Variants in PIGN observed in about 807,000 individuals in gnomAD.
The protein encoded by PIGN is phosphatidylinositol glycan anchor biosynthesis class N.
Under a neutral mutation model 125.4 loss-of-function variants are expected in PIGN, and 117 were observed. The ratio of observed to expected loss-of-function variants is 0.93; its 90% confidence interval spans 0.80 to 1.09. The LOEUF (loss-of-function observed/expected upper bound fraction) is 1.09. Among genes scored for constraint, PIGN ranks in the 50% least tolerant of loss-of-function variants. The probability of loss-of-function intolerance (pLI) is 0.00; values close to 1 mark genes in which losing one functional copy is unlikely to be tolerated. For missense variants in PIGN, 1,075 were observed against 1,094.9 expected (o/e 0.98, Z 0.26); for synonymous variants, 392 against 377.8 (o/e 1.04, Z -0.44).
intron 23 of PIGN, among the ~76,000 whole-genome samples, chr18:62,035,723 G>A (rs2030252818): frequency 7.2e-6 from 1 of 139,372 alleles, no homozygotes; most frequent in Non-Finnish European, 1.5e-5. Context: ...TCCCCATCCT[G>A]TGTCCAAGTG....
chr18:62,181,700 C>T (rs2037723238), intron 1 of PIGN, among the ~76,000 whole-genome samples: 1 of 152,086 alleles, frequency 6.6e-6, no homozygotes, highest in South Asian at 2.1e-4. Context: ...GTGTGAGTTG[C>T]TGGGCCCAGT....
chr18:62,071,061 G>A (rs1350507779), intron 30 of PIGN, among the ~76,000 whole-genome samples: 1 of 151,886 alleles, frequency 6.6e-6, no homozygotes, highest in East Asian at 1.9e-4. Flanking sequence ...CTCCCACCTC[G>A]GCCTCCCAAA....
At chr18:62,092,584 G>C (rs1342421185) in intron 23 of PIGN, among the ~76,000 whole-genome samples, 6 of 151,830 alleles carry the variant, frequency 4.0e-5, no homozygotes, top group Non-Finnish European at 7.4e-5. Flanking sequence ...GAGCCACCTA[G>C]AAAATGCTTC....
intron 14 of PIGN, among the ~76,000 whole-genome samples, chr18:62,127,753 T>TGACTGAGGTTCGC (rs2035590286): frequency 1.3e-5 from 2 of 152,094 alleles, no homozygotes; most frequent in Admixed American, 1.3e-4. Flanking sequence ...CGCAGTGGTG[T>TGACTGAGGTTCGC]GACTGAGGTT....
chr18:62,146,171 T>C (rs2036321690), intron 9 of PIGN, 146 bp from the exon 10 acceptor site: 1 of 408,312 alleles, frequency 2.4e-6, no homozygotes, highest in East Asian at 3.7e-5. Context: ...CAACCTTTTA[T>C]GGCAATTAGT....
At chr18:62,065,738 A>G (rs72946090) in intron 30 of PIGN, among the ~76,000 whole-genome samples, 50,659 of 151,944 alleles carry the variant, frequency 0.33, 9,392 homozygotes, top group East Asian at 0.63. Flanking sequence ...TCCGTCTCCA[A>G]AAAAAAATAA....
At chr18:62,118,471 A>G (rs1481789850) in intron 14 of PIGN, 1 of 152,124 alleles carries the variant, frequency 6.6e-6, no homozygotes, top group Non-Finnish European at 1.5e-5. Flanking sequence ...AAGTAATCCA[A>G]AATTCTACAA....
intron 29 of PIGN, 61 bp from the exon 30 acceptor site, chr18:62,072,786 A>G (rs1169412264): frequency 5.3e-6 from 7 of 1,311,328 alleles, no homozygotes; most frequent in Non-Finnish European, 7.4e-6. Flanking sequence ...TCTAAAAACA[A>G]AGCTATTTTA....
intron 2 of PIGN, 112 bp from the exon 3 acceptor site, chr18:62,162,441 T>C (rs1423491224): frequency 6.6e-6 from 1 of 152,134 alleles, no homozygotes; most frequent in Non-Finnish European, 1.5e-5. Flanking sequence ...TGAGGTAATT[T>C]TAGCTACAGA....
At chr18:62,122,573 T>C (rs1347472856) in intron 14 of PIGN, among the ~76,000 whole-genome samples, 1 of 152,108 alleles carries the variant, frequency 6.6e-6, no homozygotes, top group Non-Finnish European at 1.5e-5. Flanking sequence ...GGTTGAAAAT[T>C]AACTTTCCCT....
intron 28 of PIGN, among the ~76,000 whole-genome samples, chr18:62,079,077 A>G (rs1267057423): frequency 6.6e-6 from 1 of 152,194 alleles, no homozygotes; most frequent in African/African-American, 2.4e-5. Flanking sequence ...ACTCTGCTTA[A>G]GGCTACCTTT....
chr18:62,070,116 T>C (rs2032757453), intron 30 of PIGN: 1 of 279,674 alleles, frequency 3.6e-6, no homozygotes, highest in African/African-American at 2.2e-5. Context: ...AAATGCTTTA[T>C]ATAAATTAAT....
At chr18:62,104,757 T>C (rs553201474) in intron 20 of PIGN, among the ~76,000 whole-genome samples, 4 of 152,270 alleles carry the variant, frequency 2.6e-5, no homozygotes, top group African/African-American at 9.6e-5. Flanking sequence ...ACAGACTTGG[T>C]TAGAATGTTT....
chr18:62,125,627 C>A (rs1430346494), intron 14 of PIGN, among the ~76,000 whole-genome samples: 1 of 151,976 alleles, frequency 6.6e-6, no homozygotes, highest in Admixed American at 6.6e-5. Flanking sequence ...TGATTATATA[C>A]GTGTATACTA....
At chr18:62,157,064 A>T in intron 6 of PIGN, 65 bp downstream of exon 6, 1 of 666,502 alleles carries the variant, frequency 1.5e-6, no homozygotes, top group South Asian at 3.0e-5. Flanking sequence ...ACATAAAAAT[A>T]GAAAACTACC....
intron 4 of PIGN, 39 bp from the exon 5 acceptor site, chr18:62,157,847 G>A (rs377297421): frequency 1.3e-6 from 2 of 1,540,982 alleles, no homozygotes. Context: ...CACAGACTAT[G>A]ATTAGATACT....
At chr18:62,104,127 A>G (rs1483433212) in intron 20 of PIGN, among the ~76,000 whole-genome samples, 1 of 152,222 alleles carries the variant, frequency 6.6e-6, no homozygotes, top group Non-Finnish European at 1.5e-5. Context: ...ATCAAAATAA[A>G]TAAGTTGCAA....
At chr18:62,099,320 AAAG>A (rs536571642) in intron 22 of PIGN, among the ~76,000 whole-genome samples, 105 of 152,274 alleles carry the variant, frequency 6.9e-4, no homozygotes, top group African/African-American at 2.3e-3. Context: ...TCAATAAAGC[AAAG>A]AAGAACACTT....
At chr18:62,152,255 TA>T in intron 7 of PIGN, among the ~76,000 whole-genome samples, 1 of 152,298 alleles carries the variant, frequency 6.6e-6, no homozygotes, top group South Asian at 2.1e-4. Context: ...ACCCTTCAGA[TA>T]GTAGGCTTCA....
Sources: allele counts gnomAD v4.1 joint callset (sites outside exome capture counted in the v4.1 genomes callset), GRCh38; gene constraint gnomAD v4.1.1; transcripts MANE v1.5; gene names NCBI Gene and HGNC (gene_info 2026-07-23, HGNC 2026-07-21).